Variants in NCOA6 observed in about 807,000 individuals in gnomAD.
NCOA6 encodes the protein NRC RAP250.
In NCOA6, 49 loss-of-function variants were observed where a neutral mutation model predicts 171.4. The ratio of observed to expected loss-of-function variants is 0.29; its 90% CI spans 0.23 to 0.36. NCOA6 has a LOEUF of 0.36. NCOA6 is among the 10% of genes least tolerant of loss of function. The probability of loss-of-function intolerance (pLI) is 1.00; values close to 1 mark genes in which losing one functional copy is unlikely to be tolerated. For synonymous variants in NCOA6, 910 were observed against 927.5 expected (o/e 0.98, Z 0.34); for missense variants, 2,248 against 2,554.5 (o/e 0.88, Z 2.59).
At chr20:34,819,993 T>C (rs1194974312) in intron 1 of NCOA6, 3 of 151,822 alleles carry the variant, frequency 2.0e-5, no homozygotes, top group Non-Finnish European at 4.4e-5. Context: ...TGGTTATACA[T>C]AGGGAAAAAA....
At chr20:34,764,207 C>G (rs923191673) in intron 5 of NCOA6, among the ~76,000 whole-genome samples, 7 of 152,076 alleles carry the variant, frequency 4.6e-5, no homozygotes, top group African/African-American at 1.7e-4. Flanking sequence ...CCTGCCTCAG[C>G]CTCCTGAGCA....
At chr20:34,758,689 A>C in intron 6 of NCOA6, 116 bp downstream of exon 6, 1 of 1,329,184 alleles carries the variant, frequency 7.5e-7, no homozygotes, top group Non-Finnish European at 1.0e-6. Flanking sequence ...TTTTGTAAAG[A>C]AGGTTGACAT....
rs549533926 is a variant in NCOA6 at position 34,752,651 on chromosome 20, G to A, written c.1675+2071C>T. Among the ~76,000 whole-genome samples the A allele has an allele frequency of 3.1e-4, 47 of 152,146 alleles. 1 individual carries two copies. Among genetic ancestry groups the A allele is most frequent in the African/African-American group, 9.6e-4 (40 of 41,522 alleles). ...AAACCAAAACATGTACACGTGGGCCGGGCACAGTGGCTCAGGCCTGTAATC... is the reference window on the plus strand; with the variant it reads ...AAACCAAAACATGTACACGTGGGCCAGGCACAGTGGCTCAGGCCTGTAATC... On this transcript the variant is annotated intron_variant, in intron 8 of 14. Coordinates refer to ENST00000359003, the MANE Select transcript of NCOA6 (RefSeq NM_014071.5).
At chr20:34,715,509 T>C in intron 14 of NCOA6, 144 bp from the exon 15 acceptor site, 1 of 641,768 alleles carries the variant, frequency 1.6e-6, no homozygotes, top group East Asian at 2.7e-5. Flanking sequence ...ATGGAGAGAG[T>C]CACAGGCTTT....
chr20:34,767,313 TTGAG>T (rs2077008492), intron 5 of NCOA6, among the ~76,000 whole-genome samples: 1 of 152,154 alleles, frequency 6.6e-6, no homozygotes, highest in African/African-American at 2.4e-5. Context: ...TTGTTTTGTT[TTGAG>T]ATAGAGTCTC....
At chr20:34,809,583 A>G (rs2078583387) in intron 1 of NCOA6, 1 of 397,202 alleles carries the variant, frequency 2.5e-6, no homozygotes, top group Admixed American at 4.4e-5. Context: ...AAGACTACAT[A>G]TAAACCCTTA....
intron 11 of NCOA6, among the ~76,000 whole-genome samples, chr20:34,737,899 TC>T (rs894219397): frequency 6.6e-6 from 1 of 152,196 alleles, no homozygotes; most frequent in African/African-American, 2.4e-5. Flanking sequence ...TTCTCAAATT[TC>T]CTTTTCTTTT....
At chr20:34,795,165 G>A (rs913468604) in intron 1 of NCOA6, among the ~76,000 whole-genome samples, 2 of 152,132 alleles carry the variant, frequency 1.3e-5, no homozygotes, top group Non-Finnish European at 2.9e-5. Context: ...ATTCAGGCAA[G>A]GACGATCACA....
rs770880304 is a variant in NCOA6 at position 34,740,730 on chromosome 20, C to T, written c.5526G>A (p.Gly1842=). ...CTCCATCTGCACCATATTGTTCTTC[C>T]CCTTTCTCAAGAGAGCCTGTAACTT... is the stretch of plus-strand genomic sequence containing the variant. ...CKKVTGSLEK[G]EEQYGADGET... is the part of the protein sequence containing the mutation. Residue 1842 remains glycine (G), a synonymous_variant, in exon 11 of 15, where the codon GGG becomes GGA. Coordinates refer to ENST00000359003, the MANE Select transcript of NCOA6 (RefSeq NM_014071.5). The T allele has an allele frequency of 3.1e-6, 5 of 1,614,214 alleles. No homozygotes were observed. Among genetic ancestry groups the T allele is most frequent in the Non-Finnish European group, 4.2e-6 (5 of 1,180,038 alleles).
chr20:34,721,264 AAAAC>A (rs1202397039), intron 14 of NCOA6, among the ~76,000 whole-genome samples: 1 of 133,392 alleles, frequency 7.5e-6, no homozygotes, highest in Non-Finnish European at 1.6e-5. Context: ...AAAAAAAAAA[AAAAC>A]AACCCGCAAA....
intron 1 of NCOA6, chr20:34,821,366 C>G (rs1210997878): frequency 6.6e-6 from 1 of 152,222 alleles, no homozygotes; most frequent in Non-Finnish European, 1.5e-5. Flanking sequence ...GGACCACAGT[C>G]TGTCGACCTC....
intron 12 of NCOA6, among the ~76,000 whole-genome samples, chr20:34,734,730 G>A (rs560191781): frequency 6.6e-6 from 1 of 151,398 alleles, no homozygotes; most frequent in East Asian, 2.0e-4. Flanking sequence ...CCGGCTCACC[G>A]CAACCTCTGC....
chr20:34,740,391 T>TCC lies in NCOA6; in HGVS notation c.5863_5864dup (p.Ser1956AspfsTer10). On this transcript the variant is annotated frameshift_variant, in exon 11 of 15. Transcript: ENST00000359003. LOFTEE classifies it high-confidence loss of function. The stretch of plus-strand genomic sequence containing the variant: ...TGCTGGGTAGAAGTTCTGGATGGGA[T>TCC]CCCACCTTCTCCTCCACTAGGCCAC... 6.2e-7 allele frequency: 1 copy of TCC among 1,614,140 alleles called. No individual in the cohort carries two copies. The highest frequency in any genetic ancestry group is 8.5e-7 in the Non-Finnish European group (1 of 1,180,000).
At chr20:34,765,384 G>A (rs1016277913) in intron 5 of NCOA6, among the ~76,000 whole-genome samples, 1 of 149,510 alleles carries the variant, frequency 6.7e-6, no homozygotes, top group African/African-American at 2.5e-5. Context: ...GCAGTGAGCC[G>A]AGCCGAGATC....
intron 4 of NCOA6, among the ~76,000 whole-genome samples, chr20:34,770,202 G>C (rs2145994790): frequency 6.6e-6 from 1 of 152,222 alleles, no homozygotes; most frequent in South Asian, 2.1e-4. Context: ...AATACAAGCA[G>C]CTAATTTTTG....
In NCOA6 at chr20:34,750,202, G is replaced by A; in HGVS notation, c.1993C>T (p.Pro665Ser). ...GAGGGCCCAAGATTTTGGCTCGGGG[G>A]GTTCACCATCATCTGGCCCTGTGGC... ...LMPQGQMMVN[P>S]PSQNLGPSPQ... The change falls in exon 9 of 15, where the codon CCC becomes TCC. Residue 665 changes from proline (P) to serine (S), a missense_variant. By Grantham distance (74) the Pro-to-Ser change is moderately conservative. Transcript: ENST00000359003. 1 of 1,610,970 alleles carries A rather than the reference G, an allele frequency of 6.2e-7. No individual in the cohort carries two copies. The highest frequency in any genetic ancestry group is 8.5e-7 in the Non-Finnish European group (1 of 1,178,268).
chr20:34,802,563 T>C (rs537135502), intron 1 of NCOA6, among the ~76,000 whole-genome samples: 3 of 151,442 alleles, frequency 2.0e-5, no homozygotes, highest in Admixed American at 6.6e-5. Flanking sequence ...ATTGCACCAC[T>C]GCACTCCAGC....
chr20:34,814,138 G>C (rs2078758095), intron 1 of NCOA6, among the ~76,000 whole-genome samples: 1 of 152,108 alleles, frequency 6.6e-6, no homozygotes, highest in Non-Finnish European at 1.5e-5. Flanking sequence ...AGACCAGCCT[G>C]GTCAACACGG....
chr20:34,765,439 C>CAAAAAAA (rs34605174), intron 5 of NCOA6, among the ~76,000 whole-genome samples: 2 of 106,508 alleles, frequency 1.9e-5, no homozygotes, highest in Non-Finnish European at 4.0e-5. Flanking sequence ...GAGTCCGTCT[C>CAAAAAAA]AAAAAAAAAA....
Sources: gnomAD v4.1 joint callset for allele counts (sites outside exome capture counted in the v4.1 genomes callset) on GRCh38, gnomAD v4.1.1 for gene constraint, MANE v1.5 for transcripts, NCBI Gene and HGNC (gene_info 2026-07-23, HGNC 2026-07-21) for gene names.